AGBL3: variants seen among roughly 807,000 people sequenced by gnomAD.
AGBL3 encodes AGBL carboxypeptidase 3.
Under a neutral mutation model 94.5 loss-of-function variants are expected in AGBL3, and 68 were observed. That is an observed-to-expected ratio of 0.72 (90% CI 0.59 to 0.88). AGBL3 has a LOEUF of 0.88. Among genes scored for constraint, AGBL3 ranks in the 40% least tolerant of loss-of-function variants. The pLI, the probability that AGBL3 is intolerant of heterozygous loss-of-function variation, is 0.00. For missense variants in AGBL3, 934 were observed against 1,103.8 expected (o/e 0.85, Z 2.18); for synonymous variants, 354 against 370.7 (o/e 0.95, Z 0.52).
At chr7:135,029,365 G>A (rs1815484785) in intron 5 of AGBL3, among the ~76,000 whole-genome samples, 2 of 152,200 alleles carry the variant, frequency 1.3e-5, no homozygotes, top group South Asian at 2.1e-4. Context: ...TGGACAACTT[G>A]CTGAAGTTTC....
intron 15 of AGBL3, chr7:135,093,050 C>A (rs1301631264): frequency 3.3e-5 from 5 of 150,320 alleles, no homozygotes; most frequent in African/African-American, 4.9e-5. Flanking sequence ...AAAAAAAAAG[C>A]CATCTTCAAA....
At chr7:135,078,895 C>T (rs1364167026) in intron 13 of AGBL3, among the ~76,000 whole-genome samples, 1 of 152,080 alleles carries the variant, frequency 6.6e-6, no homozygotes, top group Non-Finnish European at 1.5e-5. Flanking sequence ...AATTCATGCT[C>T]TCGAACTGAC....
chr7:135,059,301 TAATC>T (rs1169201523), intron 12 of AGBL3, 66 bp downstream of exon 12: 2 of 1,117,648 alleles, frequency 1.8e-6, no homozygotes, highest in South Asian at 1.7e-5. Context: ...TTGTGACTAA[TAATC>T]AGGCAAAAAA....
At chr7:134,993,764 GA>G in intron 4 of AGBL3, 86 bp downstream of exon 4, 1 of 1,141,716 alleles carries the variant, frequency 8.8e-7, no homozygotes, top group Non-Finnish European at 1.2e-6. Context: ...CACAATGTTA[GA>G]AAACAGCACA....
intron 5 of AGBL3, among the ~76,000 whole-genome samples, chr7:135,029,283 T>G (rs1395615935): frequency 6.6e-6 from 1 of 152,212 alleles, no homozygotes; most frequent in Non-Finnish European, 1.5e-5. Context: ...CTTCTTCCAA[T>G]AGAAGGCTGA....
intron 11 of AGBL3, among the ~76,000 whole-genome samples, chr7:135,049,093 T>C (rs1817642869): frequency 6.6e-6 from 1 of 151,936 alleles, no homozygotes; most frequent in Admixed American, 6.6e-5. Flanking sequence ...ATACGGCCTA[T>C]ATTATATTGA....
intron 5 of AGBL3, among the ~76,000 whole-genome samples, chr7:135,017,947 C>G (rs1813993398): frequency 6.6e-6 from 1 of 152,142 alleles, no homozygotes; most frequent in African/African-American, 2.4e-5. Context: ...TGCCTCAGAA[C>G]TGCCATACAT....
intron 16 of AGBL3, among the ~76,000 whole-genome samples, chr7:135,128,054 G>C (rs552995074): frequency 2.6e-5 from 4 of 152,102 alleles, no homozygotes; most frequent in Non-Finnish European, 5.9e-5. Context: ...AGCTCTTTGG[G>C]AGGCCAAGGT....
rs115624180 is a variant in AGBL3, at chr7:135,017,938, G to A, written c.418+779G>A. Among the ~76,000 whole-genome samples the A allele has an allele frequency of 2.1e-3, 322 of 152,264 alleles. 1 individual carries two copies. The highest frequency in any genetic ancestry group is 7.2e-3 in the African/African-American group (300 of 41,564). ...TTGTGAATATTTACATGGTGAACCTGCCTCAGAACTGCCATACATAACTGA... is the reference window on the plus strand; with the variant it reads ...TTGTGAATATTTACATGGTGAACCTACCTCAGAACTGCCATACATAACTGA... On this transcript the variant is annotated intron_variant, in intron 5 of 16. Coordinates refer to ENST00000436302, the MANE Select transcript of AGBL3 (RefSeq NM_178563.4).
At chr7:135,032,810 C>G (rs1815909152) in intron 5 of AGBL3, 34 bp from the exon 6 acceptor site, 1 of 1,526,578 alleles carries the variant, frequency 6.6e-7, no homozygotes, top group Middle Eastern at 1.7e-4. Flanking sequence ...TTTAGGTATA[C>G]CTTGACATCT....
intron 16 of AGBL3, chr7:135,128,628 A>T (rs1828291104): frequency 1.2e-6 from 1 of 818,104 alleles, no homozygotes; most frequent in African/African-American, 1.7e-5. Flanking sequence ...TGGCAGCGTG[A>T]TCCCGTTTGC....
At chr7:135,031,291 G>T (rs981554909) in intron 5 of AGBL3, among the ~76,000 whole-genome samples, 9 of 151,832 alleles carry the variant, frequency 5.9e-5, no homozygotes, top group Non-Finnish European at 8.8e-5. Context: ...ATGAAGTCTC[G>T]CTCTGTCGCC....
intron 5 of AGBL3, among the ~76,000 whole-genome samples, chr7:135,018,200 G>A (rs1814026749): frequency 1.3e-5 from 2 of 152,172 alleles, no homozygotes; most frequent in Non-Finnish European, 2.9e-5. Flanking sequence ...AGACAGAACT[G>A]GTCTCCAGAC....
At chr7:135,003,723 T>C (rs1344228026) in intron 4 of AGBL3, among the ~76,000 whole-genome samples, 1 of 151,562 alleles carries the variant, frequency 6.6e-6, no homozygotes. Context: ...TAAAACTAAA[T>C]ATTTTTGTTG....
rs537479771 is a variant in AGBL3 at position 135,037,081 on chromosome 7, A to G, written c.1338-337A>G. ...ATTACAGGCATGTGCCGCCACACCC[A>G]GCTAATTTTTGTATTTTTAGTAGAG... On this transcript the variant is annotated intron_variant, in intron 7 of 16. Transcript: ENST00000436302. Among the ~76,000 whole-genome samples, 352 of 152,200 alleles carry G rather than the reference A, an allele frequency of 2.3e-3. 1 individual carries two copies. The highest frequency in any genetic ancestry group is 7.8e-3 in the African/African-American group (323 of 41,532).
chr7:134,997,073 G>A (rs1811102323), intron 4 of AGBL3, among the ~76,000 whole-genome samples: 1 of 152,184 alleles, frequency 6.6e-6, no homozygotes, highest in Non-Finnish European at 1.5e-5. Context: ...TAATTTTTCT[G>A]TAGATGTTGG....
intron 11 of AGBL3, among the ~76,000 whole-genome samples, chr7:135,057,416 A>C (rs7805009): frequency 0.6 from 73,622 of 121,938 alleles, 18,209 homozygotes; most frequent in South Asian, 0.74. Context: ...ATGGTTGAAA[A>C]CTGAAAAAAA....
At chr7:135,027,948 T>A (rs1468942633) in intron 5 of AGBL3, among the ~76,000 whole-genome samples, 1 of 151,670 alleles carries the variant, frequency 6.6e-6, no homozygotes, top group Non-Finnish European at 1.5e-5. Context: ...ATAAAGTGAA[T>A]CTCTCAATAA....
chr7:135,090,263 T>C (rs781403155), intron 15 of AGBL3, among the ~76,000 whole-genome samples: 4 of 152,110 alleles, frequency 2.6e-5, no homozygotes, highest in Non-Finnish European at 5.9e-5. Flanking sequence ...TGTGGTGAAC[T>C]ACAGCTGTCA....
Sources: gnomAD v4.1 joint callset for allele counts (sites outside exome capture counted in the v4.1 genomes callset) on GRCh38, gnomAD v4.1.1 for gene constraint, MANE v1.5 for transcripts, NCBI Gene and HGNC (gene_info 2026-07-23, HGNC 2026-07-21) for gene names.